The following LY96 variants were observed in gnomAD, a reference collection of about 807,000 sequenced individuals.
LY96 encodes the protein myeloid differentiation protein-2.
Under a neutral mutation model 18.9 loss-of-function variants are expected in LY96, and 18 were observed. The observed-to-expected ratio is 0.95, with a 90% CI of 0.66 to 1.41. The LOEUF (loss-of-function observed/expected upper bound fraction) is 1.41, where lower values mean the gene tolerates loss of function less well. Ranked by LOEUF, LY96 falls within the 40% of genes most tolerant of loss-of-function variation. LY96 has a pLI of 0.00. For missense variants in LY96, 175 were observed against 182.4 expected (o/e 0.96, Z 0.23); for synonymous variants, 66 against 62.6 (o/e 1.06, Z -0.26).
downstream of LY96, among the ~76,000 whole-genome samples, chr8:74,030,170 G>C (rs774379677): frequency 2.0e-5 from 3 of 152,062 alleles, no homozygotes; most frequent in African/African-American, 4.8e-5. Context: ...GTTACAAGAG[G>C]GTTTTTAAAG....
At chr8:74,048,790 A>AAGGG in the LY96 span, 1 of 148,502 alleles carries the variant, frequency 6.7e-6, no homozygotes, top group Non-Finnish European at 1.5e-5. Context: ...TGAAGGAAGG[A>AAGGG]AGGAAGGAGA....
chr8:74,033,389 G>A (rs948025662), downstream of LY96, among the ~76,000 whole-genome samples: 2 of 152,194 alleles, frequency 1.3e-5, no homozygotes, highest in South Asian at 2.1e-4. Context: ...AGAATGCTAC[G>A]TTGCCTGGGG....
At chr8:74,054,625 T>TTTCTTTCTTTCC in the LY96 span, among the ~76,000 whole-genome samples, 1 of 102,686 alleles carries the variant, frequency 9.7e-6, no homozygotes, top group Non-Finnish European at 1.9e-5. Flanking sequence ...TCCTTCTTTC[T>TTTCTTTCTTTCC]TTCTTTCTTT....
the LY96 span, among the ~76,000 whole-genome samples, chr8:74,045,940 GAC>G: frequency 6.6e-6 from 1 of 152,138 alleles, no homozygotes; most frequent in African/African-American, 2.4e-5. Flanking sequence ...GAGCACAGAG[GAC>G]AGTGGAGAAG....
the LY96 span, among the ~76,000 whole-genome samples, chr8:74,090,651 T>C: frequency 6.6e-6 from 1 of 152,198 alleles, no homozygotes; most frequent in Non-Finnish European, 1.5e-5. Flanking sequence ...CAATAGGTGG[T>C]GCTGTATCTT....
At chr8:74,054,083 A>G in the LY96 span, among the ~76,000 whole-genome samples, 2 of 152,196 alleles carry the variant, frequency 1.3e-5, no homozygotes, top group African/African-American at 4.8e-5. Context: ...GCTAGAGTAC[A>G]GTGCTGTGAA....
rs1586653255 is a variant in LY96, at chr8:74,010,000, G to A, written c.203-1G>A. 2 of 1,594,222 alleles carry A rather than the reference G, an allele frequency of 1.3e-6. No individual in the cohort carries two copies. Among genetic ancestry groups the A allele is most frequent in the Non-Finnish European group, 1.7e-6 (2 of 1,162,220 alleles). ...GCCTAATGGGATTTTTTCTTTTAAA[G>A]GGAGAGATTTAAAGCAATTATATTT... On this transcript the variant is annotated splice_acceptor_variant, in intron 2 of 4. Coordinates refer to ENST00000284818, the MANE Select transcript of LY96 (RefSeq NM_015364.5). LOFTEE classifies it high-confidence loss of function.
the LY96 span, among the ~76,000 whole-genome samples, chr8:74,044,733 T>G: frequency 6.6e-6 from 1 of 152,228 alleles, no homozygotes; most frequent in African/African-American, 2.4e-5. Context: ...TTTTTTTCTC[T>G]GAGCAAATTA....
At chr8:73,996,508 C>T (rs1816150305) in intron 1 of LY96, among the ~76,000 whole-genome samples, 1 of 151,330 alleles carries the variant, frequency 6.6e-6, no homozygotes, top group Non-Finnish European at 1.5e-5. Context: ...ATTGCAACCT[C>T]CCAGGTTCAA....
chr8:74,079,076 A>G, the LY96 span, among the ~76,000 whole-genome samples: 1 of 152,250 alleles, frequency 6.6e-6, no homozygotes, highest in Non-Finnish European at 1.5e-5. Context: ...TAGACTGAGT[A>G]AAGATCAGCC....
At chr8:74,030,746 C>A (rs1019126013), downstream of LY96, among the ~76,000 whole-genome samples, 3 of 152,338 alleles carry the variant, frequency 2.0e-5, no homozygotes, top group Admixed American at 1.3e-4. Flanking sequence ...GTACAACATT[C>A]ATTGAAACGG....
At chr8:74,094,686 G>A in the LY96 span, among the ~76,000 whole-genome samples, 6 of 152,114 alleles carry the variant, frequency 3.9e-5, no homozygotes, top group Non-Finnish European at 5.9e-5. Context: ...ATGATCATCC[G>A]TGTGAGTATA....
At chr8:74,048,444 G>T in the LY96 span, among the ~76,000 whole-genome samples, 7 of 152,108 alleles carry the variant, frequency 4.6e-5, no homozygotes, top group South Asian at 1.5e-3. Flanking sequence ...TTAAATCCGG[G>T]TGGGCCTAAG....
At chr8:74,077,517 G>A in the LY96 span, among the ~76,000 whole-genome samples, 1 of 152,132 alleles carries the variant, frequency 6.6e-6, no homozygotes, top group African/African-American at 2.4e-5. Flanking sequence ...CTCCAGTAAT[G>A]TGACAGCAAT....
chr8:74,011,109 T>G (rs535427939), intron 3 of LY96, among the ~76,000 whole-genome samples: 1 of 152,304 alleles, frequency 6.6e-6, no homozygotes. Context: ...TGATTTACGT[T>G]CTGGTTATCT....
At chr8:74,086,129 C>A in the LY96 span, among the ~76,000 whole-genome samples, 1 of 152,178 alleles carries the variant, frequency 6.6e-6, no homozygotes, top group East Asian at 1.9e-4. Flanking sequence ...TAAGTGAAAT[C>A]TTTCCTGGAT....
At chr8:74,002,074 C>CCTTT (rs1563710848) in intron 1 of LY96, among the ~76,000 whole-genome samples, 1 of 16,402 alleles carries the variant, frequency 6.1e-5, no homozygotes, top group Non-Finnish European at 1.2e-4. Flanking sequence ...TTCCTTCCTT[C>CCTTT]CTTTCTTTCT....
At chr8:74,068,121 A>G in the LY96 span, among the ~76,000 whole-genome samples, 122 of 145,426 alleles carry the variant, frequency 8.4e-4, 4 homozygotes, top group African/African-American at 3.1e-3. Flanking sequence ...TTCATTTCCC[A>G]AAGATTTTCT....
chr8:74,017,160 G>A (rs1816661598), intron 3 of LY96, among the ~76,000 whole-genome samples: 1 of 152,176 alleles, frequency 6.6e-6, no homozygotes. Flanking sequence ...CTTGAAAAAG[G>A]ATTGGATGAA....
Sources: allele counts gnomAD v4.1 joint callset (sites outside exome capture counted in the v4.1 genomes callset), GRCh38; gene constraint gnomAD v4.1.1; transcripts MANE v1.5; gene names NCBI Gene and HGNC (gene_info 2026-07-23, HGNC 2026-07-21).